Variants in RNF123 observed in about 807,000 individuals in gnomAD.
The protein encoded by RNF123 is ring finger protein 123, also known as E3 ubiquitin-protein ligase RNF123.
In RNF123, 86 loss-of-function variants were observed where a neutral mutation model predicts 168.5. That is an observed-to-expected ratio of 0.51 (90% CI 0.43 to 0.61). The LOEUF (loss-of-function observed/expected upper bound fraction) is 0.61. RNF123 is among the 20% of genes least tolerant of loss of function. The probability of loss-of-function intolerance (pLI) is 0.00; values close to 1 mark genes in which losing one functional copy is unlikely to be tolerated. For missense variants in RNF123, 1,419 were observed against 1,729.7 expected (o/e 0.82, Z 3.19); for synonymous variants, 666 against 689.1 (o/e 0.97, Z 0.52).
intron 25 of RNF123, among the ~76,000 whole-genome samples, chr3:49,706,412 C>G (rs2054520660): frequency 6.6e-6 from 1 of 152,246 alleles, no homozygotes; most frequent in African/African-American, 2.4e-5. Context: ...GCTGCCCTAG[C>G]CCAGGAAGGT....
intron 35 of RNF123, chr3:49,718,552 G>C (rs755772643): frequency 2.5e-6 from 4 of 1,613,124 alleles, no homozygotes; most frequent in South Asian, 1.1e-5. Flanking sequence ...GCGCATGGCC[G>C]GGACGCTGGT....
chr3:49,718,180 A>T (rs1394058096), intron 35 of RNF123: 9 of 1,612,990 alleles, frequency 5.6e-6, no homozygotes, highest in Non-Finnish European at 7.6e-6. Context: ...CTGTGCGCTC[A>T]GCTCTTGGAG....
At chr3:49,695,148 A>G (rs1018107644) in intron 3 of RNF123, among the ~76,000 whole-genome samples, 12 of 152,224 alleles carry the variant, frequency 7.9e-5, no homozygotes, top group South Asian at 4.1e-4. Context: ...CTTTTGAGAC[A>G]GGGTCTCGCT....
Position 49,701,845 on chromosome 3 carries a change from C to A in RNF123, c.1430C>A (p.Ala477Glu). 6.4e-7 allele frequency: 1 copy of A among 1,574,346 alleles called. No individual in the cohort carries two copies. Among genetic ancestry groups the A allele is most frequent in the Non-Finnish European group, 8.6e-7 (1 of 1,160,356 alleles). ...AGCACGGAGATGAAGGAGGAGACCG[C>A]AGAGGAGCGGCTGCGGCGGCGAGCC... ...KESTEMKEET[A>E]EERLRRRAYE... Residue 477 changes from alanine to glutamate, a missense_variant, in exon 17 of 39, where the codon GCA becomes GAA. By Grantham distance (107) the Ala-to-Glu change is moderately radical. Transcript: ENST00000327697.
Position 49,718,937 on chromosome 3 carries a change from G to C in RNF123, c.3501-1574G>C. On this transcript the variant is annotated intron_variant, in intron 35 of 38. Coordinates refer to ENST00000327697, the MANE Select transcript of RNF123 (RefSeq NM_022064.5). ...AGGTGGGTGGCGCTCAGACCGTGCA[G>C]GTGGTCGAAGGAGAACGAGGCGAGT... 3 of 1,613,774 alleles carry C rather than the reference G, an allele frequency of 1.9e-6. 1 individual carries two copies. In the Admixed American group the frequency reaches 5.0e-5, roughly 27 times the overall value.
rs1400775077 is a variant in RNF123 at position 49,702,641 on chromosome 3, C to T, written c.1638C>T (p.Pro546=). The change falls in exon 20 of 39, where the codon CCC becomes CCT. Residue 546 remains proline (P), a synonymous_variant. Transcript: ENST00000327697. The part of the protein sequence containing the change: ...QENASGRGNM[P]MLCPPEYMVC... Reference sequence around the variant, plus strand: ...ATGCCTGGTGTCCACAGAACATGCCCATGCTCTGCCCCCCTGAGTACATGG... The same window carrying T: ...ATGCCTGGTGTCCACAGAACATGCCTATGCTCTGCCCCCCTGAGTACATGG... The T allele has an allele frequency of 2.5e-6, 4 of 1,614,230 alleles. No homozygotes were observed. The highest frequency in any genetic ancestry group is 3.4e-6 in the Non-Finnish European group (4 of 1,180,030).
At chr3:49,719,487 T>C (rs1348218676) in intron 35 of RNF123, 4 of 1,586,194 alleles carry the variant, frequency 2.5e-6, no homozygotes, top group African/African-American at 2.7e-5. Flanking sequence ...CCAGGGACAG[T>C]ACAGAGCAGC....
Position 49,713,559 on chromosome 3 carries a change from CTT to C in RNF123, c.2723_2724del (p.Phe908CysfsTer9). 6.2e-7 allele frequency: 1 copy of C among 1,612,734 alleles called. No individual in the cohort carries two copies. Among genetic ancestry groups the C allele is most frequent in the Non-Finnish European group, 8.5e-7 (1 of 1,179,468 alleles). On this transcript the variant is annotated frameshift_variant, in exon 28 of 39. Coordinates refer to ENST00000327697, the MANE Select transcript of RNF123 (RefSeq NM_022064.5). LOFTEE classifies it high-confidence loss of function. ...GCCTGGCTGCCATTCTCGCCAAACA[CTT>C]TGCCGACGCACGCATTGTGGGCACT... ...TRLAAILAKH[F>X]ADARIVGTDI... is the part of the protein sequence containing the mutation.
chr3:49,701,932 G>A, intron 17 of RNF123, 22 bp downstream of exon 17: 1 of 1,557,188 alleles, frequency 6.4e-7, no homozygotes, highest in Non-Finnish European at 8.7e-7. Flanking sequence ...TTGGGCACGG[G>A]GTAGGGTGGG....
Position 49,715,939 on chromosome 3 carries a change from A to G in RNF123, c.3268A>G (p.Thr1090Ala). ...SLLRVLEMTI[T>A]LVPEIFLDWT... ...GCTGCGTGTCTTGGAGATGACTATCACACTGGTGCCTGAGATATTCCTTGA... is the reference window on the plus strand; with the variant it reads ...GCTGCGTGTCTTGGAGATGACTATCGCACTGGTGCCTGAGATATTCCTTGA... Residue 1090 changes from threonine to alanine, a missense_variant, in exon 33 of 39, where the codon ACA becomes GCA. Thr to Ala is a moderately conservative substitution (Grantham distance 58). Around this residue, in one of 5 missense-constraint regions of RNF123, gnomAD observed 538 missense variants for 708.8 expected, o/e 0.76. Coordinates refer to ENST00000327697, the MANE Select transcript of RNF123 (RefSeq NM_022064.5). 6.2e-7 allele frequency: 1 copy of G among 1,614,014 alleles called. No homozygotes were observed. The highest frequency in any genetic ancestry group is 8.5e-7 in the Non-Finnish European group (1 of 1,180,022).
In RNF123 at chr3:49,699,646, T is replaced by A. The variant is rs554164307; in HGVS notation, c.880-22T>A. The A allele has an allele frequency of 3.7e-5, 59 of 1,612,954 alleles. No individual in the cohort carries two copies. In the African/African-American group the frequency reaches 7.2e-4, roughly 20 times the overall value. ...CACAGCCTCCTGCCCCTCACACTTC[T>A]CCCTCCTCCCCCTCCACACAGGAGG... On this transcript the variant is annotated intron_variant, in intron 11 of 38. Coordinates refer to ENST00000327697, the MANE Select transcript of RNF123 (RefSeq NM_022064.5). The surrounding 1 kb of genome is among the most constrained non-coding windows in gnomAD (Gnocchi z 4.8).
In RNF123 at chr3:49,700,664, T is replaced by G. The variant is rs373323429; in HGVS notation, c.1232T>G (p.Ile411Ser). The change falls in exon 15 of 39, where the codon ATC becomes AGC. Residue 411 changes from isoleucine to serine, a missense_variant. Transcript: ENST00000327697. Reference protein sequence around the residue: ...QIHYLRLTIAILRHEKSRKFL... With the variant: ...QIHYLRLTIASLRHEKSRKFL... ...CATTACCTGCGGCTCACTATCGCCA[T>G]CCTGAGGCATGAGAAGTCCCGCAAG... is the stretch of plus-strand genomic sequence containing the variant. 1.2e-6 allele frequency: 2 copies of G among 1,614,066 alleles called. No homozygotes were observed. Among genetic ancestry groups the G allele is most frequent in the Non-Finnish European group, 1.7e-6 (2 of 1,180,034 alleles).
intron 22 of RNF123, 80 bp from the exon 23 acceptor site, chr3:49,704,904 C>A: frequency 6.9e-7 from 1 of 1,446,886 alleles, no homozygotes. Context: ...AGGCATGGAC[C>A]CTCCCTCACA....
intron 18 of RNF123, 57 bp from the exon 19 acceptor site, chr3:49,702,272 GCCAGC>G: frequency 1.9e-6 from 3 of 1,600,822 alleles, no homozygotes; most frequent in Non-Finnish European, 2.6e-6. Flanking sequence ...GCAGCACTGA[GCCAGC>G]CCAGTCTGGG....
chr3:49,700,074 A>T, intron 12 of RNF123, 153 bp from the exon 13 acceptor site: 1 of 1,090,148 alleles, frequency 9.2e-7, no homozygotes, highest in Non-Finnish European at 1.3e-6. Context: ...CTTGTCCCTC[A>T]GTCAGACCCC....
At chr3:49,697,299 C>G in intron 4 of RNF123, 64 bp from the exon 5 acceptor site, 3 of 1,592,516 alleles carry the variant, frequency 1.9e-6, no homozygotes, top group South Asian at 2.2e-5. Flanking sequence ...CTGGTGAGCT[C>G]AGGACACCCT....
At chr3:49,705,856 G>A in intron 24 of RNF123, 126 bp from the exon 25 acceptor site, 1 of 1,429,426 alleles carries the variant, frequency 7.0e-7, no homozygotes, top group Non-Finnish European at 9.7e-7. Context: ...GCTGACTGTT[G>A]TGGGAATGGG....
chr3:49,717,734 G>A (rs907384489), intron 35 of RNF123: 5 of 614,468 alleles, frequency 8.1e-6, no homozygotes, highest in Non-Finnish European at 1.4e-5. Context: ...TGGGGCCTTT[G>A]GGTCCTGTGC....
chr3:49,716,720 T>G (rs1575541102), intron 35 of RNF123: 1 of 493,818 alleles, frequency 2.0e-6, no homozygotes, highest in Admixed American at 3.5e-5. Context: ...GCCACTGGCT[T>G]GTGGCCATGC....
Sources: allele counts gnomAD v4.1 joint callset (sites outside exome capture counted in the v4.1 genomes callset), GRCh38; gene constraint gnomAD v4.1.1; regional missense constraint gnomAD v4.1.1; non-coding constraint Gnocchi (gnomAD v3.1); transcripts MANE v1.5; gene names NCBI Gene and HGNC (gene_info 2026-07-23, HGNC 2026-07-21).